Variants in BRINP1 observed in about 807,000 individuals in gnomAD.
BRINP1 encodes the protein BMP/retinoic acid inducible neural specific 1.
BRINP1 carries 17 observed loss-of-function variants against 72.9 expected under a neutral mutation model. The observed-to-expected ratio is 0.23, with a 90% confidence interval of 0.16 to 0.35. The LOEUF (loss-of-function observed/expected upper bound fraction) is 0.35. Among genes scored for constraint, BRINP1 ranks in the 10% least tolerant of loss-of-function variants. The pLI is 1.00. For missense variants in BRINP1, 850 were observed against 1,001.6 expected, an observed-to-expected ratio of 0.85 and a Z score of 2.04; for synonymous variants, 418 against 378.5, an observed-to-expected ratio of 1.10 and a Z score of -1.21.
intron 7 of BRINP1, among the ~76,000 whole-genome samples, chr9:119,172,051 C>A (rs559940050): frequency 1.5e-5 from 2 of 137,438 alleles, no homozygotes; most frequent in Admixed American, 7.2e-5. Context: ...AAATTGACAC[C>A]CTAACATCAC....
Position 119,197,034 on chromosome 9 carries a change from G to A in BRINP1, c.1145+11685C>T, listed in dbSNP as rs111703836. 5.6e-3 allele frequency among the ~76,000 whole-genome samples: 853 copies of A among 152,296 alleles called. 6 individuals are homozygous for A. Among genetic ancestry groups the A allele is most frequent in the Non-Finnish European group, 9.3e-3 (630 of 68,026 alleles). On this transcript the variant is annotated intron_variant, in intron 7 of 7. Transcript: ENST00000265922. ...CTTTACCCGTCACTGAGGAAACATTGGTTAGCAAGGAAAACAAGTTATCTG... is the reference window on the plus strand; with the variant it reads ...CTTTACCCGTCACTGAGGAAACATTAGTTAGCAAGGAAAACAAGTTATCTG...
intron 3 of BRINP1, among the ~76,000 whole-genome samples, chr9:119,248,185 G>A (rs1278411383): frequency 6.6e-6 from 1 of 152,194 alleles, no homozygotes; most frequent in Non-Finnish European, 1.5e-5. Flanking sequence ...GTGGGCATGG[G>A]CCATACCTAA....
chr9:119,300,152 T>G (rs921649248), intron 2 of BRINP1, among the ~76,000 whole-genome samples: 1 of 152,178 alleles, frequency 6.6e-6, no homozygotes, highest in African/African-American at 2.4e-5. Context: ...TCTTTCCTCC[T>G]ATTTCAACAA....
At chr9:119,313,531 TA>T (rs1280345648) in intron 1 of BRINP1, 126 bp from the exon 2 acceptor site, 8 of 782,660 alleles carry the variant, frequency 1.0e-5, no homozygotes, top group Non-Finnish European at 1.6e-5. Context: ...ATCTTCATAA[TA>T]ATACCTTATA....
chr9:119,289,936 A>G (rs902109420), intron 2 of BRINP1, among the ~76,000 whole-genome samples: 2 of 152,172 alleles, frequency 1.3e-5, no homozygotes, highest in Admixed American at 6.5e-5. Flanking sequence ...CTGAAAACTT[A>G]CTGATTGGTC....
At chr9:119,318,486 G>C (rs1019407739) in intron 1 of BRINP1, among the ~76,000 whole-genome samples, 1 of 152,174 alleles carries the variant, frequency 6.6e-6, no homozygotes, top group Non-Finnish European at 1.5e-5. Context: ...AGGTACATGA[G>C]CAGAGGAGTG....
intron 7 of BRINP1, among the ~76,000 whole-genome samples, chr9:119,169,296 G>A (rs1340125092): frequency 6.6e-6 from 1 of 152,250 alleles, no homozygotes; most frequent in East Asian, 1.9e-4. Context: ...CTGAAGCAGG[G>A]CGAGGCATTG....
At chr9:119,363,974 A>G (rs78468835) in intron 1 of BRINP1, among the ~76,000 whole-genome samples, 16,040 of 151,038 alleles carry the variant, frequency 0.11, 1,134 homozygotes, top group Non-Finnish European at 0.15. Flanking sequence ...CACCCAATAA[A>G]TATTTGTTGA....
chr9:119,338,341 A>G (rs1179917621), intron 1 of BRINP1, among the ~76,000 whole-genome samples: 2 of 146,504 alleles, frequency 1.4e-5, no homozygotes, highest in East Asian at 2.0e-4. Context: ...ATTACGTCCC[A>G]GGCACTGTAC....
At chr9:119,284,875 T>C (rs1000778070) in intron 2 of BRINP1, among the ~76,000 whole-genome samples, 2 of 152,124 alleles carry the variant, frequency 1.3e-5, no homozygotes, top group Admixed American at 1.3e-4. Flanking sequence ...GAAATCTCTT[T>C]GGAAATGATA....
At chr9:119,178,958 C>T (rs952582576) in intron 7 of BRINP1, among the ~76,000 whole-genome samples, 1 of 152,196 alleles carries the variant, frequency 6.6e-6, no homozygotes, top group Admixed American at 6.5e-5. Context: ...TTCCTTGCTT[C>T]CTCTGGACCT....
At chr9:119,203,873 A>C (rs1163767544) in intron 7 of BRINP1, among the ~76,000 whole-genome samples, 1 of 152,130 alleles carries the variant, frequency 6.6e-6, no homozygotes, top group East Asian at 1.9e-4. Context: ...CCTCATCTCC[A>C]AAATATATGT....
At chr9:119,312,863 T>A (rs1446725018) in intron 2 of BRINP1, among the ~76,000 whole-genome samples, 1 of 152,202 alleles carries the variant, frequency 6.6e-6, no homozygotes, top group African/African-American at 2.4e-5. Flanking sequence ...CTGATGGCTA[T>A]TAGAATGTTT....
At chr9:119,360,006 G>C (rs533744070) in intron 1 of BRINP1, among the ~76,000 whole-genome samples, 2 of 152,344 alleles carry the variant, frequency 1.3e-5, no homozygotes, top group South Asian at 4.2e-4. Context: ...AGGGAAGAGA[G>C]AGCGGTAAGC....
intron 1 of BRINP1, among the ~76,000 whole-genome samples, chr9:119,318,507 A>T (rs1831148989): frequency 6.6e-6 from 1 of 152,074 alleles, no homozygotes; most frequent in Non-Finnish European, 1.5e-5. Flanking sequence ...AGCTGGCAAA[A>T]GCTGTGGCCT....
chr9:119,200,313 T>G (rs1829791520), intron 7 of BRINP1, among the ~76,000 whole-genome samples: 1 of 152,150 alleles, frequency 6.6e-6, no homozygotes, highest in South Asian at 2.1e-4. Flanking sequence ...TAGGCATTAA[T>G]AAATAGATTT....
Position 119,369,397 on chromosome 9 carries a change from T to C in BRINP1, c.-392A>G, listed in dbSNP as rs1330207368. 5.0e-6 allele frequency: 2 copies of C among 396,062 alleles called. No individual in the cohort carries two copies. Among genetic ancestry groups the C allele is most frequent in the African/African-American group, 4.1e-5 (2 of 48,576 alleles). The allele number at this position is 396,062 out of a possible 1,614,324, so 24.5% of individuals were successfully genotyped here. On this transcript the variant is annotated 5_prime_UTR_variant, in exon 1 of 8. Transcript: ENST00000265922. ...CCTCCTCCCCGCGCGCCAGATCAGT[T>C]TGCAGCCGTGGGGTCCGGGAGCGAG...
At chr9:119,274,202 A>G (rs1830632357) in intron 2 of BRINP1, among the ~76,000 whole-genome samples, 1 of 152,164 alleles carries the variant, frequency 6.6e-6, no homozygotes, top group South Asian at 2.1e-4. Context: ...CCCACTGGCT[A>G]TGCTCTCTAA....
In BRINP1 at chr9:119,352,052, C is replaced by T. The variant is rs149962170; in HGVS notation, c.-51+17004G>A. Among the ~76,000 whole-genome samples, 35 of 152,214 alleles carry T rather than the reference C, an allele frequency of 2.3e-4. No individual in the cohort carries two copies. In the East Asian group the frequency reaches 5.8e-3, roughly 25 times the overall value. ...ACCTCAGATGATCCTTCTGCCTCAGCCTCCGAAAGTTCTGGGATTACAGGT... is the reference window on the plus strand; with the variant it reads ...ACCTCAGATGATCCTTCTGCCTCAGTCTCCGAAAGTTCTGGGATTACAGGT... On this transcript the variant is annotated intron_variant, in intron 1 of 7. Transcript: ENST00000265922.
Sources: allele counts gnomAD v4.1 joint callset (sites outside exome capture counted in the v4.1 genomes callset), GRCh38; gene constraint gnomAD v4.1.1; transcripts MANE v1.5; gene names NCBI Gene and HGNC (gene_info 2026-07-23, HGNC 2026-07-21).